Variants in DLG1 observed in about 807,000 individuals in gnomAD.
DLG1 encodes the protein disks large homolog 1.
A neutral mutation model predicts 123.4 loss-of-function variants in DLG1; 42 were observed. The ratio of observed to expected loss-of-function variants is 0.34; its 90% CI spans 0.27 to 0.44. The LOEUF is 0.44. Ranked by LOEUF, DLG1 falls within the 20% of genes least tolerant of loss-of-function variation. The probability of loss-of-function intolerance (pLI) is 1.00; values close to 1 mark genes in which losing one functional copy is unlikely to be tolerated. For missense variants in DLG1, 942 were observed against 1,082.6 expected, an observed-to-expected ratio of 0.87 and a Z score of 1.82; for synonymous variants, 317 against 356.2, an observed-to-expected ratio of 0.89 and a Z score of 1.24.
At chr3:197,222,715 A>G (rs781287130) in intron 4 of DLG1, among the ~76,000 whole-genome samples, 3 of 152,192 alleles carry the variant, frequency 2.0e-5, no homozygotes, top group East Asian at 1.9e-4. Flanking sequence ...AACACCTTAC[A>G]CTATTTCCCT....
At chr3:197,188,938 C>T (rs7355867) in intron 5 of DLG1, among the ~76,000 whole-genome samples, 1 of 152,194 alleles carries the variant, frequency 6.6e-6, no homozygotes, top group East Asian at 1.9e-4. Context: ...TAATGCTCAC[C>T]TGCTCCAAAT....
intron 4 of DLG1, among the ~76,000 whole-genome samples, chr3:197,262,646 G>GA (rs1759911656): frequency 6.6e-6 from 1 of 152,134 alleles, no homozygotes; most frequent in South Asian, 2.1e-4. Flanking sequence ...CTATACTTCA[G>GA]AGACTACTAC....
At chr3:197,238,007 T>G (rs1289702755) in intron 4 of DLG1, among the ~76,000 whole-genome samples, 1 of 152,166 alleles carries the variant, frequency 6.6e-6, no homozygotes, top group African/African-American at 2.4e-5. Flanking sequence ...CCCCATGCAG[T>G]GTTAGTGAAG....
intron 4 of DLG1, among the ~76,000 whole-genome samples, chr3:197,205,399 C>A (rs576929252): frequency 2.0e-5 from 3 of 152,080 alleles, no homozygotes; most frequent in Admixed American, 2.0e-4. Flanking sequence ...AGTTCCAAAA[C>A]AAAACATTAG....
At chr3:197,129,846 A>C (rs570224581) in intron 11 of DLG1, among the ~76,000 whole-genome samples, 21 of 152,274 alleles carry the variant, frequency 1.4e-4, no homozygotes, top group African/African-American at 5.1e-4. Context: ...ACACACATTT[A>C]TCTATTAAGC....
chr3:197,185,961 G>A (rs1365158276), intron 5 of DLG1, among the ~76,000 whole-genome samples: 1 of 152,000 alleles, frequency 6.6e-6, no homozygotes, highest in African/African-American at 2.4e-5. Context: ...AAGAACTTAG[G>A]GTACAATCTA....
At chr3:197,291,086 C>G (rs935326528) in intron 3 of DLG1, among the ~76,000 whole-genome samples, 8 of 151,922 alleles carry the variant, frequency 5.3e-5, no homozygotes, top group African/African-American at 1.5e-4. Context: ...GCCTTTACAA[C>G]TCTGATTCCA....
chr3:197,208,263 T>G (rs1328654415), intron 4 of DLG1, among the ~76,000 whole-genome samples: 1 of 146,816 alleles, frequency 6.8e-6, no homozygotes, highest in Non-Finnish European at 1.5e-5. Flanking sequence ...TACTATATAC[T>G]GATGAGGACA....
intron 4 of DLG1, among the ~76,000 whole-genome samples, chr3:197,214,159 A>G (rs1166821054): frequency 1.3e-5 from 2 of 152,180 alleles, no homozygotes. Context: ...CCATTTGGGG[A>G]AAAATATAAG....
At chr3:197,058,368 A>T (rs537863762) in intron 23 of DLG1, among the ~76,000 whole-genome samples, 2 of 149,630 alleles carry the variant, frequency 1.3e-5, no homozygotes, top group South Asian at 4.1e-4. Context: ...AGCTGTGTGT[A>T]TTCCTTCAAA....
At chr3:197,285,731 A>C (rs746644222) in intron 3 of DLG1, among the ~76,000 whole-genome samples, 25 of 152,226 alleles carry the variant, frequency 1.6e-4, no homozygotes, top group Non-Finnish European at 3.7e-4. Context: ...AAGCACCAAC[A>C]CTACCAAATG....
intron 5 of DLG1, among the ~76,000 whole-genome samples, chr3:197,172,794 T>C (rs1454259332): frequency 6.6e-6 from 1 of 152,236 alleles, no homozygotes; most frequent in Non-Finnish European, 1.5e-5. Context: ...AAATTGCCAG[T>C]TTCATGTTGT....
chr3:197,297,832 G>A (rs1186945649), intron 1 of DLG1: 1 of 985,136 alleles, frequency 1.0e-6, no homozygotes, highest in Non-Finnish European at 1.2e-6. Context: ...GCTCGGAACT[G>A]GGGTGCGCCC....
intron 11 of DLG1, among the ~76,000 whole-genome samples, chr3:197,121,215 C>G (rs756028003): frequency 1.7e-4 from 26 of 152,060 alleles, no homozygotes; most frequent in Non-Finnish European, 3.4e-4. Context: ...TCTCAGACAA[C>G]AGAGACTAAA....
chr3:197,144,006 GA>G (rs1238870095), intron 6 of DLG1, among the ~76,000 whole-genome samples: 3 of 152,184 alleles, frequency 2.0e-5, no homozygotes, highest in African/African-American at 7.2e-5. Context: ...CTCGTGATAT[GA>G]GGCTGGGCAA....
At chr3:197,049,003 A>C (rs1336580448) in intron 24 of DLG1, among the ~76,000 whole-genome samples, 2 of 152,100 alleles carry the variant, frequency 1.3e-5, no homozygotes, top group Non-Finnish European at 2.9e-5. Flanking sequence ...TAGCAATCCC[A>C]CTACTCGATA....
In DLG1 at chr3:197,087,860, C is replaced by A. The variant is rs139490873; in HGVS notation, c.1662-2104G>T. 7.2e-5 allele frequency among the ~76,000 whole-genome samples: 11 copies of A among 152,202 alleles called. No homozygotes were observed. The East Asian group carries it at 1.9e-3, about 27-fold the overall frequency. On this transcript the variant is annotated intron_variant, in intron 15 of 24. Coordinates refer to ENST00000667157, the MANE Select transcript of DLG1 (RefSeq NM_001366207.1). ...ACTGTATGTAGCACTTAGACCAACCCCACCAAAGTTCCTTTTCCCAGTCCC... is the reference window on the plus strand; with the variant it reads ...ACTGTATGTAGCACTTAGACCAACCACACCAAAGTTCCTTTTCCCAGTCCC...
At chr3:197,104,875 T>G (rs1460510376) in intron 14 of DLG1, 28 bp downstream of exon 14, 1 of 1,442,402 alleles carries the variant, frequency 6.9e-7, no homozygotes, top group East Asian at 2.3e-5. Context: ...AAATAAGCAA[T>G]AACTATAGAC....
chr3:197,121,814 C>G (rs1307850392), intron 11 of DLG1, among the ~76,000 whole-genome samples: 1 of 90,848 alleles, frequency 1.1e-5, no homozygotes, highest in African/African-American at 3.9e-5. Flanking sequence ...CAATGCTTGA[C>G]AATCACCACA....
Sources: allele counts gnomAD v4.1 joint callset (sites outside exome capture counted in the v4.1 genomes callset), GRCh38; gene constraint gnomAD v4.1.1; transcripts MANE v1.5; gene names NCBI Gene and HGNC (gene_info 2026-07-23, HGNC 2026-07-21).